GATAD2B: variants seen among roughly 807,000 people sequenced by gnomAD.
The protein encoded by GATAD2B is transcriptional repressor p66-beta.
A neutral mutation model predicts 64.3 loss-of-function variants in GATAD2B; 8 were observed. The ratio of observed to expected loss-of-function variants is 0.12; its 90% CI spans 0.07 to 0.22. GATAD2B has a LOEUF of 0.22. Among genes scored for constraint, GATAD2B ranks in the 10% least tolerant of loss-of-function variants. GATAD2B has a pLI of 1.00. For synonymous variants in GATAD2B, 281 were observed against 271.3 expected, an observed-to-expected ratio of 1.04 and a Z score of -0.35; for missense variants, 453 against 752.0, an observed-to-expected ratio of 0.60 and a Z score of 4.65.
intron 1 of GATAD2B, among the ~76,000 whole-genome samples, chr1:153,849,447 C>A (rs1293386087): frequency 6.6e-6 from 1 of 152,184 alleles, no homozygotes; most frequent in Non-Finnish European, 1.5e-5. Flanking sequence ...TAGCAGATAT[C>A]TAACAGGCAT....
In GATAD2B at chr1:153,816,658, G is replaced by A. The variant is rs1674492162; in HGVS notation, c.901-70C>T. ...AGGGCCAATTCTTACGTTCTTGGCA[G>A]AGGACACTGTCTGATCCTGGTTTGG... On this transcript the variant is annotated intron_variant, in intron 6 of 10. Coordinates refer to ENST00000368655, the MANE Select transcript of GATAD2B (RefSeq NM_020699.4). The surrounding 1 kb of genome is among the most constrained non-coding windows in gnomAD (Gnocchi z 4.9). The A allele has an allele frequency of 5.0e-6, 5 of 1,004,062 alleles. No individual in the cohort carries two copies. The South Asian group carries it at 7.2e-5, about 14-fold the overall frequency. 62.2% of individuals were successfully genotyped at this position (1,004,062 alleles called of 1,614,324 possible).
In GATAD2B at chr1:153,808,612, CAG is replaced by C. The variant is rs1263227661; in HGVS notation, c.*1563_*1564del. 3 of 152,554 alleles carry C rather than the reference CAG, an allele frequency of 2.0e-5. No individual in the cohort carries two copies. In the East Asian group the frequency reaches 5.8e-4, roughly 29 times the overall value. The allele number at this position is 152,554 out of a possible 1,614,324, so 9.5% of individuals were successfully genotyped here. ...AGTGCACTCTGGCAGCTTCTGGAGC[CAG>C]AGAGGCAGGTGGGTGTACACTATGA... On this transcript the variant is annotated 3_prime_UTR_variant, in exon 11 of 11. Transcript: ENST00000368655.
chr1:153,885,551 G>A (rs1257848613), intron 1 of GATAD2B, among the ~76,000 whole-genome samples: 1 of 151,700 alleles, frequency 6.6e-6, no homozygotes, highest in South Asian at 2.1e-4. Context: ...GTGAAACCCC[G>A]TCTCTACTAA....
At chr1:153,907,931 A>G (rs1677997598) in intron 1 of GATAD2B, among the ~76,000 whole-genome samples, 1 of 152,100 alleles carries the variant, frequency 6.6e-6, no homozygotes, top group South Asian at 2.1e-4. Context: ...CAGCCTCCTG[A>G]GTAGCTGGGA....
intron 1 of GATAD2B, among the ~76,000 whole-genome samples, chr1:153,839,571 T>A (rs1675401518): frequency 6.6e-6 from 1 of 152,158 alleles, no homozygotes; most frequent in Non-Finnish European, 1.5e-5. Context: ...GTAGTAATAG[T>A]CTAAAAGATC....
Position 153,808,089 on chromosome 1 carries a change from T to C in GATAD2B, c.*2088A>G, listed in dbSNP as rs1034899577. On this transcript the variant is annotated 3_prime_UTR_variant, in exon 11 of 11. Coordinates refer to ENST00000368655, the MANE Select transcript of GATAD2B (RefSeq NM_020699.4). ...ATATATATATATAATTTTAAAATAATCCCAGACCCAGTTCCATTAACCCCC... is the reference window on the plus strand; with the variant it reads ...ATATATATATATAATTTTAAAATAACCCCAGACCCAGTTCCATTAACCCCC... 2 of 151,998 alleles carry C rather than the reference T, an allele frequency of 1.3e-5. No individual in the cohort carries two copies. Among genetic ancestry groups the C allele is most frequent in the Admixed American group, 1.3e-4 (2 of 15,246 alleles). The allele number at this position is 151,998 out of a possible 1,614,324, so 9.4% of individuals were successfully genotyped here.
intron 1 of GATAD2B, among the ~76,000 whole-genome samples, chr1:153,908,263 G>C (rs1678008386): frequency 6.6e-6 from 1 of 152,178 alleles, no homozygotes; most frequent in Admixed American, 6.5e-5. Context: ...GGAGGCTAAG[G>C]TGGGAGGACT....
chr1:153,898,464 G>A (rs906572572), intron 1 of GATAD2B, among the ~76,000 whole-genome samples: 3 of 152,048 alleles, frequency 2.0e-5, no homozygotes, highest in Admixed American at 6.6e-5. Context: ...AGTGGCTCAC[G>A]CCTGTAATCC....
At chr1:153,830,569 G>A (rs575862076) in intron 1 of GATAD2B, among the ~76,000 whole-genome samples, 8,673 of 144,084 alleles carry the variant, frequency 0.06, 324 homozygotes, top group Non-Finnish European at 0.094. Flanking sequence ...TCCGCCTCCC[G>A]GGTTCACGCC....
intron 1 of GATAD2B, among the ~76,000 whole-genome samples, chr1:153,879,100 C>T (rs1676929535): frequency 6.6e-6 from 1 of 152,084 alleles, no homozygotes; most frequent in Non-Finnish European, 1.5e-5. Context: ...CCACCACGCC[C>T]GGCTAATTTT....
chr1:153,828,670 T>C (rs1674972899), intron 1 of GATAD2B, among the ~76,000 whole-genome samples: 1 of 151,200 alleles, frequency 6.6e-6, no homozygotes, highest in Non-Finnish European at 1.5e-5. Context: ...TTTTTTTTTT[T>C]TGGCTTTTAT....
At chr1:153,903,031 C>A (rs772609536) in intron 1 of GATAD2B, among the ~76,000 whole-genome samples, 4 of 152,034 alleles carry the variant, frequency 2.6e-5, no homozygotes, top group Non-Finnish European at 5.9e-5. Flanking sequence ...TCCTGGCTAA[C>A]ACGGTGAAAC....
chr1:153,817,872 A>G (rs1383327406), intron 5 of GATAD2B, among the ~76,000 whole-genome samples, 168 bp downstream of exon 5: 2 of 152,224 alleles, frequency 1.3e-5, no homozygotes, highest in African/African-American at 4.8e-5. Context: ...AAAGTTACTC[A>G]TCCTTCTACT....
intron 1 of GATAD2B, among the ~76,000 whole-genome samples, chr1:153,835,357 G>A (rs1675226256): frequency 6.6e-6 from 1 of 152,046 alleles, no homozygotes. Flanking sequence ...AAACAGTACC[G>A]CATGCTATAT....
At chr1:153,893,636 C>A (rs950091918) in intron 1 of GATAD2B, among the ~76,000 whole-genome samples, 3 of 151,270 alleles carry the variant, frequency 2.0e-5, no homozygotes, top group Non-Finnish European at 4.4e-5. Context: ...TAAGTTTACC[C>A]CTTCCCCTAA....
At chr1:153,879,028 C>T (rs923159262) in intron 1 of GATAD2B, among the ~76,000 whole-genome samples, 1 of 152,060 alleles carries the variant, frequency 6.6e-6, no homozygotes, top group African/African-American at 2.4e-5. Flanking sequence ...CAACCTCCGC[C>T]TCCCGGGTTC....
intron 1 of GATAD2B, among the ~76,000 whole-genome samples, chr1:153,914,088 C>T (rs1021765942): frequency 6.7e-6 from 1 of 149,940 alleles, no homozygotes; most frequent in African/African-American, 2.5e-5. Flanking sequence ...ACTAAAAATA[C>T]AAAAATTAGC....
intron 1 of GATAD2B, among the ~76,000 whole-genome samples, chr1:153,857,137 C>CAT (rs10563350): frequency 0.37 from 36,376 of 97,860 alleles, 5,164 homozygotes; most frequent in East Asian, 0.69. Context: ...TATGCATATG[C>CAT]ATATATATAT....
At chr1:153,831,505 A>G (rs765891876) in intron 1 of GATAD2B, among the ~76,000 whole-genome samples, 42 of 152,160 alleles carry the variant, frequency 2.8e-4, no homozygotes, top group Non-Finnish European at 5.6e-4. Context: ...AAGTAAAATA[A>G]TAAAAAAAAA....
Sources: allele counts gnomAD v4.1 joint callset (sites outside exome capture counted in the v4.1 genomes callset), GRCh38; gene constraint gnomAD v4.1.1; non-coding constraint Gnocchi (gnomAD v3.1); transcripts MANE v1.5; gene names NCBI Gene and HGNC (gene_info 2026-07-23, HGNC 2026-07-21).